The following RAD51 variants were observed in gnomAD, a reference collection of about 807,000 sequenced individuals.
RAD51 encodes the protein DNA repair protein RAD51 homolog 1.
In RAD51, 14 loss-of-function variants were observed where a neutral mutation model predicts 41.5. The observed-to-expected ratio is 0.34, with a 90% CI of 0.22 to 0.53. RAD51 has a LOEUF of 0.53. Among genes scored for constraint, RAD51 ranks in the 20% least tolerant of loss-of-function variants. The probability of loss-of-function intolerance (pLI) is 0.95; values close to 1 mark genes in which losing one functional copy is unlikely to be tolerated. For missense variants in RAD51, 234 were observed against 422.0 expected, an observed-to-expected ratio of 0.55 and a Z score of 3.90; for synonymous variants, 136 against 148.6, an observed-to-expected ratio of 0.92 and a Z score of 0.62.
intron 4 of RAD51, among the ~76,000 whole-genome samples, chr15:40,707,697 T>C (rs1368303735): frequency 6.6e-6 from 1 of 151,212 alleles, no homozygotes; most frequent in African/African-American, 2.4e-5. Flanking sequence ...ATTTCGTATG[T>C]TTTTTTTTGT....
intron 5 of RAD51, among the ~76,000 whole-genome samples, chr15:40,710,279 A>G (rs1359183159): frequency 1.4e-5 from 2 of 146,236 alleles, no homozygotes; most frequent in Non-Finnish European, 3.0e-5. Context: ...AAGAAGAAGA[A>G]AAAAAAAAGA....
intron 4 of RAD51, among the ~76,000 whole-genome samples, 200 bp downstream of exon 4, chr15:40,706,494 C>A (rs927697930): frequency 6.6e-6 from 1 of 152,148 alleles, no homozygotes; most frequent in African/African-American, 2.4e-5. Flanking sequence ...GCTGGGAGTT[C>A]GAGACCAGCC....
intron 5 of RAD51, among the ~76,000 whole-genome samples, chr15:40,711,023 G>C (rs965845141): frequency 1.1e-4 from 16 of 152,150 alleles, no homozygotes; most frequent in Admixed American, 6.5e-4. Context: ...AGACACAGTA[G>C]GTTAAATAAT....
chr15:40,698,396 C>T (rs1476855531), intron 1 of RAD51, among the ~76,000 whole-genome samples: 4 of 151,936 alleles, frequency 2.6e-5, no homozygotes, highest in South Asian at 2.1e-4. Flanking sequence ...GCATGTTGGC[C>T]GGGATGGTCT....
At chr15:40,699,937 T>TGTC (rs2141816900) in intron 2 of RAD51, among the ~76,000 whole-genome samples, 1 of 152,162 alleles carries the variant, frequency 6.6e-6, no homozygotes, top group Non-Finnish European at 1.5e-5. Context: ...CATCTCTGAC[T>TGTC]AATCTTCAAG....
intron 1 of RAD51, 58 bp from the exon 2 acceptor site, chr15:40,698,699 G>T: frequency 6.8e-7 from 1 of 1,475,046 alleles, no homozygotes; most frequent in Non-Finnish European, 9.5e-7. Flanking sequence ...AGAAGATGGG[G>T]AGAGAGATGC....
intron 6 of RAD51, among the ~76,000 whole-genome samples, chr15:40,722,401 G>A (rs1268249852): frequency 3.4e-5 from 5 of 147,562 alleles, no homozygotes; most frequent in Non-Finnish European, 7.4e-5. Flanking sequence ...CAACAAGAGC[G>A]AAACTCTGGC....
chr15:40,700,757 A>G (rs1021126438), intron 2 of RAD51, among the ~76,000 whole-genome samples: 1 of 152,172 alleles, frequency 6.6e-6, no homozygotes, highest in Non-Finnish European at 1.5e-5. Flanking sequence ...TGTATCAGCA[A>G]ATTCAACAAA....
At chr15:40,699,834 A>T (rs778047473) in intron 2 of RAD51, among the ~76,000 whole-genome samples, 8 of 152,214 alleles carry the variant, frequency 5.3e-5, no homozygotes, top group Middle Eastern at 3.2e-3. Context: ...TGCCCATTGT[A>T]TAGAGACTGC....
intron 3 of RAD51, among the ~76,000 whole-genome samples, chr15:40,703,719 T>TC (rs1439548342): frequency 2.0e-5 from 3 of 152,158 alleles, no homozygotes; most frequent in Non-Finnish European, 4.4e-5. Flanking sequence ...TCTCTTTTTT[T>TC]CTCGGGCAAT....
At chr15:40,707,919 T>A (rs1377628029) in intron 4 of RAD51, among the ~76,000 whole-genome samples, 1 of 151,680 alleles carries the variant, frequency 6.6e-6, no homozygotes, top group Non-Finnish European at 1.5e-5. Context: ...GATTTCACCG[T>A]CTTGGCCAGG....
Position 40,731,729 on chromosome 15 carries a change from C to CCAT in RAD51, c.*553_*555dup. ...AACCTACTAGGCCATTAGCCCTTCACCATCTACCTGCTTGGTCTTTCATTG... is the reference window on the plus strand; with the variant it reads ...AACCTACTAGGCCATTAGCCCTTCACCATCATCTACCTGCTTGGTCTTTCATTG... On this transcript the variant is annotated 3_prime_UTR_variant, in exon 10 of 10. Coordinates refer to ENST00000267868, the MANE Select transcript of RAD51 (RefSeq NM_002875.5). 4.4e-6 allele frequency: 1 copy of CCAT among 224,934 alleles called. No homozygotes were observed. Among genetic ancestry groups the CCAT allele is most frequent in the Admixed American group, 5.3e-5 (1 of 18,740 alleles). The allele number at this position is 224,934 out of a possible 1,614,324, so 13.9% of individuals were successfully genotyped here.
chr15:40,718,708 C>A, intron 5 of RAD51, 97 bp from the exon 6 acceptor site: 1 of 1,081,286 alleles, frequency 9.2e-7, no homozygotes. Flanking sequence ...GTTTTTTTCC[C>A]TTTGCCTTGG....
chr15:40,717,872 G>A (rs6492962), intron 5 of RAD51, among the ~76,000 whole-genome samples: 3,966 of 152,214 alleles, frequency 0.026, 169 homozygotes, highest in African/African-American at 0.091. Flanking sequence ...TTAAAGCTAA[G>A]GTAAATGGTC....
At chr15:40,698,905 T>A in intron 2 of RAD51, 60 bp downstream of exon 2, 2 of 1,486,768 alleles carry the variant, frequency 1.3e-6, no homozygotes, top group Non-Finnish European at 1.9e-6. Flanking sequence ...TAGTGGAAGG[T>A]ATTACAACCT....
At chr15:40,695,902 T>G (rs987053812) in intron 1 of RAD51, 2 of 151,932 alleles carry the variant, frequency 1.3e-5, no homozygotes, top group Non-Finnish European at 2.9e-5. Flanking sequence ...TGAGATGGAG[T>G]CTCGCTCTTC....
chr15:40,695,606 G>A (rs1462382973), intron 1 of RAD51, 181 bp downstream of exon 1: 2 of 152,314 alleles, frequency 1.3e-5, no homozygotes, highest in Non-Finnish European at 2.9e-5. Flanking sequence ...AACACAAGTG[G>A]ACCTCAGTCT....
chr15:40,721,681 A>C (rs905112827), intron 6 of RAD51, among the ~76,000 whole-genome samples: 1 of 152,198 alleles, frequency 6.6e-6, no homozygotes. Context: ...GGTCTTTTCA[A>C]TAAACAGTGC....
chr15:40,727,261 C>T (rs1480807801), intron 6 of RAD51, among the ~76,000 whole-genome samples: 1 of 151,862 alleles, frequency 6.6e-6, no homozygotes, highest in Non-Finnish European at 1.5e-5. Context: ...CGTGCCCAGC[C>T]TTTTCTCCCT....
Sources: gnomAD v4.1 joint callset for allele counts (sites outside exome capture counted in the v4.1 genomes callset) on GRCh38, gnomAD v4.1.1 for gene constraint, MANE v1.5 for transcripts, NCBI Gene and HGNC (gene_info 2026-07-23, HGNC 2026-07-21) for gene names.